The following MAP4K2 variants were observed in gnomAD, a reference collection of about 807,000 sequenced individuals.
The protein encoded by MAP4K2 is mitogen-activated protein kinase kinase kinase kinase 2.
Under a neutral mutation model 125.3 loss-of-function variants are expected in MAP4K2, and 85 were observed. That is an observed-to-expected ratio of 0.68 (90% CI 0.57 to 0.81). The LOEUF is 0.81. Among genes scored for constraint, MAP4K2 ranks in the 40% least tolerant of loss-of-function variants. The pLI is 0.00. For missense variants in MAP4K2, 923 were observed against 1,056.4 expected (o/e 0.87, Z 1.75); for synonymous variants, 479 against 445.1 (o/e 1.08, Z -0.96).
rs1256529002 is a variant in MAP4K2 at position 64,796,544 on chromosome 11, G to A, written c.1582C>T (p.His528Tyr). The A allele has an allele frequency of 1.9e-6, 3 of 1,613,974 alleles. No homozygotes were observed. The highest frequency in any genetic ancestry group is 2.5e-6 in the Non-Finnish European group (3 of 1,180,042). ...ACGCAGTAGAGCCAGGAGCAGCGAT[G>A]TGAAATCAGCTGGAGGCCACAGAGG... ...HEDTLEKLIS[H>Y]RCSWLYCVNN... is the part of the protein sequence containing the mutation. Residue 528 changes from histidine (H) to tyrosine (Y), a missense_variant, in exon 23 of 32, where the codon CAT (histidine) becomes TAT (tyrosine). Coordinates refer to ENST00000294066, the MANE Select transcript of MAP4K2 (RefSeq NM_004579.5).
chr11:64,800,410 C>T lies in MAP4K2; in HGVS notation c.726-18G>A, dbSNP rs749367016. The T allele has an allele frequency of 2.5e-6, 4 of 1,612,966 alleles. No individual in the cohort carries two copies. The highest frequency in any genetic ancestry group is 3.4e-6 in the Non-Finnish European group (4 of 1,179,314). On this transcript the variant is annotated intron_variant, in intron 10 of 31. Transcript: ENST00000294066. ...TCTGGGTCCTAGAAGGCACAAGAGC[C>T]CCCCAGCGCCAGATCCAGGTTAGCC...
At chr11:64,801,263 A>T in intron 7 of MAP4K2, 80 bp from the exon 8 acceptor site, 1 of 1,520,492 alleles carries the variant, frequency 6.6e-7, no homozygotes. Flanking sequence ...GCTCGGCTGC[A>T]CCTGGCAGGG....
chr11:64,800,336 CTCT>C lies in MAP4K2; in HGVS notation c.779_781del (p.Lys260del), dbSNP rs771074867. The stretch of plus-strand genomic sequence containing the variant: ...CTGCAGGAGCTTCTCTGCTGTCGGC[CTCT>C]TCTTAGGATTCTTGGTCAGGGCCAG... On this transcript the variant is annotated inframe_deletion, in exon 11 of 32. Coordinates refer to ENST00000294066, the MANE Select transcript of MAP4K2 (RefSeq NM_004579.5). The C allele has an allele frequency of 1.9e-6, 3 of 1,613,990 alleles. No individual in the cohort carries two copies. Among genetic ancestry groups the C allele is most frequent in the Admixed American group, 1.7e-5 (1 of 60,008 alleles).
Position 64,796,690 on chromosome 11 carries a change from C to T in MAP4K2, c.1516G>A (p.Glu506Lys), listed in dbSNP as rs763831166. 8.7e-6 allele frequency: 14 copies of T among 1,613,888 alleles called. No homozygotes were observed. The East Asian group carries it at 2.2e-4, about 26-fold the overall frequency. Residue 506 changes from glutamate (E) to lysine (K), a missense_variant, in exon 22 of 32, where the codon GAG (glutamate) becomes AAG (lysine). Coordinates refer to ENST00000294066, the MANE Select transcript of MAP4K2 (RefSeq NM_004579.5). ...AGGTTGAGTGTGTAGATGCCTTCCT[C>T]GGCCCCTACCACCAGGAACTGGTCT... ...TRDQFLVVGA[E>K]EGIYTLNLHE...
At chr11:64,791,881 C>A in intron 27 of MAP4K2, 28 bp downstream of exon 27, 1 of 1,520,524 alleles carries the variant, frequency 6.6e-7, no homozygotes, top group Non-Finnish European at 8.9e-7. Context: ...CACACACCCA[C>A]CCCCAGCAGC....
At chr11:64,790,640 G>A (rs547072628) in intron 27 of MAP4K2, among the ~76,000 whole-genome samples, 178 bp from the exon 28 acceptor site, 13 of 152,208 alleles carry the variant, frequency 8.5e-5, no homozygotes, top group Non-Finnish European at 1.8e-4. Context: ...GCTCTGAGAG[G>A]ATGAGTGACC....
chr11:64,798,577 G>T (rs946088692), intron 15 of MAP4K2, among the ~76,000 whole-genome samples: 3 of 152,216 alleles, frequency 2.0e-5, no homozygotes, highest in Non-Finnish European at 4.4e-5. Flanking sequence ...TGGGATTACA[G>T]GCATGAGCCA....
rs780231943 is a variant in MAP4K2 at position 64,792,264 on chromosome 11, A to G, written c.1822T>C (p.Tyr608His). 1 of 1,610,424 alleles carries G rather than the reference A, an allele frequency of 6.2e-7. No homozygotes were observed. The change falls in exon 26 of 32, where the codon TAC becomes CAC. Residue 608 changes from tyrosine (Y) to histidine (H), a missense_variant. By Grantham distance (83) the Tyr-to-His change is moderately conservative (BLOSUM62 2). Coordinates refer to ENST00000294066, the MANE Select transcript of MAP4K2 (RefSeq NM_004579.5). ...CLQCRVVRNP[Y>H]TGATFLLAAL... ...GCCAGCAGGAAGGTGGCACCCGTGT[A>G]GGGGTTCCGCACTGGCAGGGGAGCA...
chr11:64,789,882 C>T lies in MAP4K2; in HGVS notation c.2319+7G>A, dbSNP rs1406495228. On this transcript the variant is annotated splice_region_variant and intron_variant, in intron 30 of 31. Coordinates refer to ENST00000294066, the MANE Select transcript of MAP4K2 (RefSeq NM_004579.5). ...AGGGGACAGCAAGGTCCCTGGGCCCCACTCACCTCATTGGTATCCAGGCTT... is the reference window on the plus strand; with the variant it reads ...AGGGGACAGCAAGGTCCCTGGGCCCTACTCACCTCATTGGTATCCAGGCTT... 6.2e-7 allele frequency: 1 copy of T among 1,614,008 alleles called. No individual in the cohort carries two copies. Among genetic ancestry groups the T allele is most frequent in the Admixed American group, 1.7e-5 (1 of 60,018 alleles).
chr11:64,792,147 T>A, intron 26 of MAP4K2, 25 bp downstream of exon 26: 1 of 1,592,588 alleles, frequency 6.3e-7, no homozygotes. Context: ...GAGGGTGCCC[T>A]GGGCCTCCCC....
chr11:64,792,036 C>G lies in MAP4K2; in HGVS notation c.1965G>C (p.Val655=). The change falls in exon 27 of 32, where the codon GTG becomes GTC. Residue 655 remains valine (V), a synonymous_variant. Coordinates refer to ENST00000294066, the MANE Select transcript of MAP4K2 (RefSeq NM_004579.5). ...PSPAGMLEPL[V]LDGKELPQVC... ...CCTGCGGCAGCTCCTTCCCATCCAG[C>G]ACCAGCGGCTCCAGCATCCCAGCTG... 1.3e-6 allele frequency: 2 copies of G among 1,596,830 alleles called. No individual in the cohort carries two copies. The highest frequency in any genetic ancestry group is 1.7e-6 in the Non-Finnish European group (2 of 1,172,198).
intron 7 of MAP4K2, 22 bp from the exon 8 acceptor site, chr11:64,801,205 C>G (rs1941144959): frequency 6.2e-7 from 1 of 1,608,174 alleles, no homozygotes; most frequent in Non-Finnish European, 8.5e-7. Flanking sequence ...AACAGCCACT[C>G]TCACCAGCCC....
chr11:64,795,648 C>T (rs71581731), intron 24 of MAP4K2, among the ~76,000 whole-genome samples: 6 of 152,316 alleles, frequency 3.9e-5, no homozygotes, highest in East Asian at 1.9e-4. Context: ...GTGATCCATC[C>T]GCCTTGGCCT....
chr11:64,800,070 G>A lies in MAP4K2; in HGVS notation c.915+39C>T, dbSNP rs759977203. The A allele has an allele frequency of 1.0e-5, 15 of 1,502,978 alleles. No homozygotes were observed. In the African/African-American group the frequency reaches 1.5e-4, roughly 15 times the overall value. 93.1% of individuals were successfully genotyped at this position (1,502,978 alleles called of 1,614,324 possible). On this transcript the variant is annotated intron_variant, in intron 12 of 31. Transcript: ENST00000294066. ...ATCACCCTCGGGCTCTTTCTAAGCA[G>A]ACCAGCCCAAGACTCACTTTCCAGC...
At chr11:64,792,679 T>C (rs894448959) in intron 24 of MAP4K2, among the ~76,000 whole-genome samples, 3 of 152,148 alleles carry the variant, frequency 2.0e-5, no homozygotes, top group Non-Finnish European at 4.4e-5. Flanking sequence ...TAGCTCTGTG[T>C]GACTCCAGGC....
chr11:64,794,331 A>G (rs1940664205), intron 24 of MAP4K2, among the ~76,000 whole-genome samples: 1 of 151,764 alleles, frequency 6.6e-6, no homozygotes, highest in Admixed American at 6.6e-5. Context: ...CTTGCAAAAG[A>G]GAATCAGAAT....
rs752008282 is a variant in MAP4K2 at position 64,797,427 on chromosome 11, G to C, written c.1171-47C>G. On this transcript the variant is annotated intron_variant, in intron 17 of 31. Coordinates refer to ENST00000294066, the MANE Select transcript of MAP4K2 (RefSeq NM_004579.5). ...AGCCCGGCCGTTACCAGGTTGCCCT[G>C]TAACCACATCCCACTCCAATCGTAC... is the stretch of plus-strand genomic sequence containing the variant. 6.4e-6 allele frequency: 10 copies of C among 1,557,722 alleles called. No individual in the cohort carries two copies. In the Admixed American group the frequency reaches 1.9e-4, roughly 30 times the overall value.
Position 64,789,527 on chromosome 11 carries a change from C to T in MAP4K2, c.*10G>A. ...GTGGGGCGGGGAGCCCCTGGACAGGCCCGCTGCTCTTAGTAGGTGCTCTGG... is the reference window on the plus strand; with the variant it reads ...GTGGGGCGGGGAGCCCCTGGACAGGTCCGCTGCTCTTAGTAGGTGCTCTGG... On this transcript the variant is annotated 3_prime_UTR_variant, in exon 32 of 32. Transcript: ENST00000294066. 6.4e-7 allele frequency: 1 copy of T among 1,567,524 alleles called. No homozygotes were observed. The highest frequency in any genetic ancestry group is 8.7e-7 in the Non-Finnish European group (1 of 1,155,614).
chr11:64,800,227 G>T lies in MAP4K2; in HGVS notation c.808-11C>A. 1 of 1,612,540 alleles carries T rather than the reference G, an allele frequency of 6.2e-7. No individual in the cohort carries two copies. The highest frequency in any genetic ancestry group is 8.5e-7 in the Non-Finnish European group (1 of 1,179,700). On this transcript the variant is annotated splice_polypyrimidine_tract_variant and intron_variant, in intron 11 of 31. Transcript: ENST00000294066. ...AGTCGTGAACGGGTGCTGGAAAGTG[G>T]GGGAGGGGGGTGATCAGGTTGGCCC...
Sources: gnomAD v4.1 joint callset for allele counts (sites outside exome capture counted in the v4.1 genomes callset) on GRCh38, gnomAD v4.1.1 for gene constraint, MANE v1.5 for transcripts, NCBI Gene and HGNC (gene_info 2026-07-23, HGNC 2026-07-21) for gene names.